Variants in NAALADL2 observed in about 807,000 individuals in gnomAD.
The protein encoded by NAALADL2 is inactive N-acetylated-alpha-linked acidic dipeptidase-like protein 2.
In NAALADL2, 76 loss-of-function variants were observed where a neutral mutation model predicts 87.2. The observed-to-expected ratio is 0.87, with a 90% CI of 0.72 to 1.05. The LOEUF (loss-of-function observed/expected upper bound fraction) is 1.05. Among genes scored for constraint, NAALADL2 ranks in the 50% least tolerant of loss-of-function variants. NAALADL2 has a pLI of 0.00. For missense variants in NAALADL2, 1,089 were observed against 945.8 expected (o/e 1.15, Z -1.99); for synonymous variants, 354 against 331.0 (o/e 1.07, Z -0.75).
intron 3 of NAALADL2, among the ~76,000 whole-genome samples, chr3:174,748,557 T>C (rs1047687976): frequency 6.6e-6 from 1 of 152,140 alleles, no homozygotes; most frequent in Non-Finnish European, 1.5e-5. Flanking sequence ...ACATTTGTGG[T>C]GATTTGTTAC....
At chr3:175,117,354 A>G (rs1318758564) in intron 2 of NAALADL2, among the ~76,000 whole-genome samples, 2 of 152,144 alleles carry the variant, frequency 1.3e-5, no homozygotes, top group Non-Finnish European at 2.9e-5. Context: ...AATTTTTACA[A>G]TCTACCCATC....
At chr3:174,657,622 T>C (rs746402594) in intron 2 of NAALADL2, among the ~76,000 whole-genome samples, 5 of 152,200 alleles carry the variant, frequency 3.3e-5, no homozygotes, top group African/African-American at 1.2e-4. Flanking sequence ...TGTATCAGCG[T>C]CTCATTATCA....
At chr3:175,055,357 C>T (rs578103322) in intron 1 of NAALADL2, among the ~76,000 whole-genome samples, 6 of 152,338 alleles carry the variant, frequency 3.9e-5, no homozygotes, top group Admixed American at 3.3e-4. Context: ...TATTTGTACC[C>T]CTTTCAAATT....
chr3:175,178,699 G>A (rs1034439071), intron 2 of NAALADL2, among the ~76,000 whole-genome samples: 1 of 152,020 alleles, frequency 6.6e-6, no homozygotes, highest in Non-Finnish European at 1.5e-5. Flanking sequence ...CTAGGGAGAA[G>A]CCCGAGAATC....
At chr3:175,159,522 G>T (rs574965886) in intron 2 of NAALADL2, among the ~76,000 whole-genome samples, 7 of 152,260 alleles carry the variant, frequency 4.6e-5, no homozygotes, top group African/African-American at 1.7e-4. Flanking sequence ...GACAGGAAGT[G>T]AAATAATTTT....
intron 6 of NAALADL2, among the ~76,000 whole-genome samples, chr3:175,449,673 A>G (rs1233277230): frequency 1.3e-5 from 2 of 152,106 alleles, no homozygotes; most frequent in Non-Finnish European, 2.9e-5. Flanking sequence ...GATTACAGGC[A>G]TGAGCCACCA....
At chr3:175,445,931 C>T (rs1051142331) in intron 5 of NAALADL2, among the ~76,000 whole-genome samples, 2 of 152,132 alleles carry the variant, frequency 1.3e-5, no homozygotes, top group African/African-American at 2.4e-5. Context: ...CCATCATCCT[C>T]ACTAGGTCTG....
At chr3:175,070,092 G>A (rs1430383355) in intron 1 of NAALADL2, among the ~76,000 whole-genome samples, 2 of 149,910 alleles carry the variant, frequency 1.3e-5, no homozygotes, top group Admixed American at 1.3e-4. Flanking sequence ...CAGCACACCA[G>A]CATGGCACAT....
chr3:175,154,760 A>G (rs1443906742), intron 2 of NAALADL2, among the ~76,000 whole-genome samples: 2 of 152,148 alleles, frequency 1.3e-5, no homozygotes, highest in Non-Finnish European at 2.9e-5. Flanking sequence ...TTAAACTGTG[A>G]AGAATTAAGA....
At chr3:175,359,344 A>G (rs1215231876) in intron 5 of NAALADL2, among the ~76,000 whole-genome samples, 1 of 152,144 alleles carries the variant, frequency 6.6e-6, no homozygotes, top group Non-Finnish European at 1.5e-5. Flanking sequence ...GATTTTTCCA[A>G]GATCATATTA....
At chr3:174,678,025 C>T (rs1428387165) in intron 2 of NAALADL2, among the ~76,000 whole-genome samples, 5 of 152,068 alleles carry the variant, frequency 3.3e-5, no homozygotes, top group Admixed American at 3.3e-4. Context: ...TGAATTTTTC[C>T]TACTCTGCAC....
At chr3:174,810,769 A>G (rs1180769927) in intron 3 of NAALADL2, among the ~76,000 whole-genome samples, 1 of 152,150 alleles carries the variant, frequency 6.6e-6, no homozygotes, top group Non-Finnish European at 1.5e-5. Flanking sequence ...TACTAAAAGG[A>G]AAGGAAGTGC....
At chr3:174,814,658 T>A (rs1394464145) in intron 3 of NAALADL2, among the ~76,000 whole-genome samples, 1 of 152,150 alleles carries the variant, frequency 6.6e-6, no homozygotes, top group East Asian at 1.9e-4. Context: ...ATTAATAATA[T>A]CAAATTTAAG....
At chr3:175,267,201 A>G (rs1752076293) in intron 4 of NAALADL2, among the ~76,000 whole-genome samples, 2 of 152,050 alleles carry the variant, frequency 1.3e-5, no homozygotes, top group South Asian at 2.1e-4. Flanking sequence ...AAACATATAT[A>G]AAAGTATTTT....
chr3:175,342,628 G>C (rs556614221), intron 5 of NAALADL2, among the ~76,000 whole-genome samples: 21 of 151,972 alleles, frequency 1.4e-4, no homozygotes, highest in African/African-American at 5.1e-4. Flanking sequence ...TTCTAATGTA[G>C]ATGTTCAAAC....
chr3:174,957,804 G>A (rs1741372549), intron 1 of NAALADL2, among the ~76,000 whole-genome samples: 1 of 151,972 alleles, frequency 6.6e-6, no homozygotes, highest in South Asian at 2.1e-4. Flanking sequence ...GAATAAAGAA[G>A]CTTTGAGGCT....
At chr3:175,347,811 G>T (rs751527499) in intron 5 of NAALADL2, among the ~76,000 whole-genome samples, 3 of 152,016 alleles carry the variant, frequency 2.0e-5, no homozygotes, top group Admixed American at 2.0e-4. Context: ...AGGTATACAC[G>T]TGCCATGGTG....
intron 2 of NAALADL2, among the ~76,000 whole-genome samples, chr3:174,626,975 T>A (rs2108682827): frequency 6.6e-6 from 1 of 152,236 alleles, no homozygotes; most frequent in East Asian, 1.9e-4. Context: ...TTCATAAAAC[T>A]ATTAACACCC....
intron 1 of NAALADL2, among the ~76,000 whole-genome samples, chr3:174,936,049 G>A (rs980467495): frequency 3.3e-5 from 5 of 152,072 alleles, no homozygotes; most frequent in South Asian, 2.1e-4. Flanking sequence ...TGTAATTAAT[G>A]AATTATGTTG....
Sources: allele counts gnomAD v4.1 joint callset (sites outside exome capture counted in the v4.1 genomes callset), GRCh38; gene constraint gnomAD v4.1.1; transcripts MANE v1.5; gene names NCBI Gene and HGNC (gene_info 2026-07-23, HGNC 2026-07-21).